GAPT: variants seen among roughly 807,000 people sequenced by gnomAD.
GAPT encodes the protein GRB2 binding adaptor protein, transmembrane.
For missense variants in GAPT, 206 were observed against 189.2 expected, an observed-to-expected ratio of 1.09 and a Z score of -0.52; for synonymous variants, 82 against 69.7, an observed-to-expected ratio of 1.18 and a Z score of -0.88.
rs1237751452 is a variant in GAPT at position 58,494,859 on chromosome 5, A to G, written c.323A>G (p.Asp108Gly). The G allele has an allele frequency of 1.2e-6, 2 of 1,613,934 alleles. No homozygotes were observed. The stretch of plus-strand genomic sequence containing the variant: ...CCTCCCAAAGCTAAAGGAAAAACCG[A>G]TAAGGAACTATATGAAAACACAGGG... ...AGPPKAKGKT[D>G]KELYENTGQS... Residue 108 changes from aspartate (D) to glycine (G), a missense_variant, in exon 3 of 3, where the codon GAT (aspartate) becomes GGT (glycine). Asp to Gly is a moderately conservative substitution (Grantham distance 94, BLOSUM62 -1). Transcript: ENST00000502276.
rs760550846 is a variant in GAPT at position 58,494,645 on chromosome 5, G to T, written c.109G>T (p.Val37Phe). 5 of 1,614,036 alleles carry T rather than the reference G, an allele frequency of 3.1e-6. No homozygotes were observed. Among genetic ancestry groups the T allele is most frequent in the Non-Finnish European group, 4.2e-6 (5 of 1,179,942 alleles). Residue 37 changes from valine to phenylalanine, a missense_variant, in exon 3 of 3, where the codon GTT becomes TTT. By Grantham distance (50) the Val-to-Phe change is conservative. Coordinates refer to ENST00000502276, the MANE Select transcript of GAPT (RefSeq NM_001304431.2). ...GTGTGTTTGGCACTGGAAACACCGT[G>T]TTGCCACACGATTTACCTTACCGAG... is the stretch of plus-strand genomic sequence containing the variant. ...IGCVWHWKHR[V>F]ATRFTLPRFL...
chr5:58,494,728 C>G lies in GAPT; in HGVS notation c.192C>G (p.Pro64=), dbSNP rs911605253. 1.2e-6 allele frequency: 2 copies of G among 1,613,844 alleles called. No individual in the cohort carries two copies. The highest frequency in any genetic ancestry group is 2.2e-5 in the East Asian group (1 of 44,860). Residue 64 remains proline, a synonymous_variant, in exon 3 of 3, where the codon CCC becomes CCG. Coordinates refer to ENST00000502276, the MANE Select transcript of GAPT (RefSeq NM_001304431.2). ...TCTGTACTAAAACATTCTTGGGCCCCCGCATCATTGGCTTAAGGCATGAAA... is the reference window on the plus strand; with the variant it reads ...TCTGTACTAAAACATTCTTGGGCCCGCGCATCATTGGCTTAAGGCATGAAA... ...RKVCTKTFLG[P]RIIGLRHEIS...
rs761738101 is a variant in GAPT at position 58,492,178 on chromosome 5, G to T, written c.-419+637G>T. 2.0e-5 allele frequency among the ~76,000 whole-genome samples: 3 copies of T among 152,076 alleles called. No individual in the cohort carries two copies. The South Asian group carries it at 6.2e-4, about 31-fold the overall frequency. On this transcript the variant is annotated intron_variant, in intron 1 of 2. Coordinates refer to ENST00000502276, the MANE Select transcript of GAPT (RefSeq NM_001304431.2). The stretch of plus-strand genomic sequence containing the variant: ...TTAAAAATTAAGAGAGTAATTTATT[G>T]CCTTATCCTCAGCTACAGAAGTGAC...
At chr5:58,491,771 T>A (rs1744264676) in intron 1 of GAPT, among the ~76,000 whole-genome samples, 1 of 152,194 alleles carries the variant, frequency 6.6e-6, no homozygotes, top group Non-Finnish European at 1.5e-5. Flanking sequence ...ATTCTCTTAC[T>A]TGAAAATTCC....
In GAPT at chr5:58,494,629, G is replaced by A; in HGVS notation, c.93G>A (p.Trp31Ter). 1.2e-6 allele frequency: 2 copies of A among 1,614,028 alleles called. No homozygotes were observed. Among genetic ancestry groups the A allele is most frequent in the Non-Finnish European group, 1.7e-6 (2 of 1,179,954 alleles). ...TGGTTTGTGGAATTGGGTGTGTTTG[G>A]CACTGGAAACACCGTGTTGCCACAC... is the stretch of plus-strand genomic sequence containing the variant. Reference protein sequence around the residue: ...LLVVCGIGCVWHWKHRVATRF... With the variant: ...LLVVCGIGCV The change falls in exon 3 of 3, where the codon TGG becomes TGA. Residue 31 changes from tryptophan (W) to a stop codon, truncating the protein, a stop_gained. Coordinates refer to ENST00000502276, the MANE Select transcript of GAPT (RefSeq NM_001304431.2). LOFTEE classifies it low-confidence loss of function (END_TRUNC).
chr5:58,492,179 C>A (rs1744276775), intron 1 of GAPT, among the ~76,000 whole-genome samples: 1 of 152,016 alleles, frequency 6.6e-6, no homozygotes, highest in Admixed American at 6.6e-5. Flanking sequence ...TAATTTATTG[C>A]CTTATCCTCA....
At chr5:58,494,216 A>T (rs774714715) in intron 2 of GAPT, 31 bp from the exon 3 acceptor site, 13 of 226,768 alleles carry the variant, frequency 5.7e-5, no homozygotes, top group Non-Finnish European at 1.1e-4. Flanking sequence ...TCTTCCACTC[A>T]TTTCTGCTTC....
Position 58,495,067 on chromosome 5 carries a change from A to T in GAPT, c.*57A>T. 9.0e-7 allele frequency: 1 copy of T among 1,117,246 alleles called. No individual in the cohort carries two copies. The highest frequency in any genetic ancestry group is 1.5e-5 in the South Asian group (1 of 67,956). The allele number at this position is 1,117,246 out of a possible 1,614,324, so 69.2% of individuals were successfully genotyped here. A position where few individuals can be genotyped will look rare whatever the true frequency, so the allele number is the denominator to read the frequency against. ...GATAAATATTCACTGTAATTTTTCA[A>T]CAGCAAAGACAAGGAATCAAACTAA... On this transcript the variant is annotated 3_prime_UTR_variant, in exon 3 of 3. Coordinates refer to ENST00000502276, the MANE Select transcript of GAPT (RefSeq NM_001304431.2).
chr5:58,494,776 C>T lies in GAPT; in HGVS notation c.240C>T (p.His80=), dbSNP rs35272273. 3.1e-3 allele frequency: 5,016 copies of T among 1,613,914 alleles called. 117 individuals carry two copies. In the African/African-American group the frequency reaches 0.056, roughly 18 times the overall value. ...AAATCTCAGTTGAAACCCAAGACCA[C>T]AAATCTGCTGTCAGGGGAAATAACA... The part of the protein sequence containing the change: ...RHEISVETQD[H]KSAVRGNNTH... The change falls in exon 3 of 3, where the codon CAC becomes CAT. Residue 80 remains histidine, a synonymous_variant. Transcript: ENST00000502276.
intron 1 of GAPT, among the ~76,000 whole-genome samples, chr5:58,492,607 C>CA (rs1424686829): frequency 6.6e-6 from 1 of 152,010 alleles, no homozygotes; most frequent in Non-Finnish European, 1.5e-5. Context: ...GTATTTTTAT[C>CA]AAAAAATTGT....
At chr5:58,493,664 C>T (rs957313641) in intron 1 of GAPT, 47 bp from the exon 2 acceptor site, 2 of 152,110 alleles carry the variant, frequency 1.3e-5, no homozygotes, top group African/African-American at 4.8e-5. Flanking sequence ...TGACCTGAAC[C>T]CTGCCCACCA....
intron 1 of GAPT, among the ~76,000 whole-genome samples, chr5:58,493,106 G>C (rs564220852): frequency 4.7e-4 from 71 of 152,204 alleles, no homozygotes; most frequent in African/African-American, 1.7e-3. Context: ...ATGGTGATAT[G>C]AATAGTACCC....
intron 1 of GAPT, among the ~76,000 whole-genome samples, chr5:58,492,604 T>A (rs1744287944): frequency 6.6e-6 from 1 of 152,166 alleles, no homozygotes; most frequent in African/African-American, 2.4e-5. Flanking sequence ...CCTGTATTTT[T>A]ATCAAAAAAT....
intron 1 of GAPT, among the ~76,000 whole-genome samples, chr5:58,491,866 G>C (rs745513198): frequency 2.0e-5 from 3 of 152,164 alleles, no homozygotes; most frequent in Non-Finnish European, 4.4e-5. Flanking sequence ...AATGAAAACA[G>C]AGTCTTCTTT....
intron 1 of GAPT, among the ~76,000 whole-genome samples, chr5:58,491,995 T>C (rs1381617983): frequency 1.3e-5 from 2 of 152,216 alleles, no homozygotes; most frequent in Non-Finnish European, 2.9e-5. Flanking sequence ...TTTCCTCTAA[T>C]GTTATTTCGA....
chr5:58,492,515 A>C (rs1416666768), intron 1 of GAPT, among the ~76,000 whole-genome samples: 1 of 152,148 alleles, frequency 6.6e-6, no homozygotes, highest in Non-Finnish European at 1.5e-5. Context: ...TATGTGGCGG[A>C]CCATACAGTT....
chr5:58,492,639 TTTAA>T (rs1315955285), intron 1 of GAPT, among the ~76,000 whole-genome samples: 1 of 152,198 alleles, frequency 6.6e-6, no homozygotes, highest in Non-Finnish European at 1.5e-5. Flanking sequence ...GCACATCTTA[TTTAA>T]TTTTCTTTTA....
rs1744360981 is a variant in GAPT, at chr5:58,494,281, C to G, written c.-256C>G. The stretch of plus-strand genomic sequence containing the variant: ...TGGAATGGAATAAAATCCCCCAATA[C>G]AGTACAATTATACATTAATGGCTGT... On this transcript the variant is annotated 5_prime_UTR_variant, in exon 3 of 3. The change creates a premature stop within an existing upstream ORF in the 5' untranslated region. Transcript: ENST00000502276. The G allele has an allele frequency of 2.6e-6, 1 of 388,498 alleles. No individual in the cohort carries two copies. Among genetic ancestry groups the G allele is most frequent in the Non-Finnish European group, 4.6e-6 (1 of 217,160 alleles). The allele number at this position is 388,498 out of a possible 1,614,324, so 24.1% of individuals were successfully genotyped here.
rs1269126371 is a variant in GAPT, at chr5:58,495,235, T to C, written c.*225T>C. 3 of 467,922 alleles carry C rather than the reference T, an allele frequency of 6.4e-6. No homozygotes were observed. Among genetic ancestry groups the C allele is most frequent in the Non-Finnish European group, 1.1e-5 (3 of 262,550 alleles). The allele number at this position is 467,922 out of a possible 1,614,324, so 29.0% of individuals were successfully genotyped here. A position where few individuals can be genotyped will look rare whatever the true frequency, so the allele number is the denominator to read the frequency against. ...TTCTCACTTAAAAGTGGGAGCTAAA[T>C]AATAAGAACACATGGAGAGAAGGAG... On this transcript the variant is annotated 3_prime_UTR_variant, in exon 3 of 3. Transcript: ENST00000502276.
Sources: allele counts gnomAD v4.1 joint callset (sites outside exome capture counted in the v4.1 genomes callset), GRCh38; gene constraint gnomAD v4.1.1; transcripts MANE v1.5; gene names NCBI Gene and HGNC (gene_info 2026-07-23, HGNC 2026-07-21).